The following NUAK1 variants were observed in gnomAD, a reference collection of about 807,000 sequenced individuals.
NUAK1 encodes the protein NUAK family SNF1-like kinase 1.
NUAK1 carries 26 observed loss-of-function variants against 56.9 expected under a neutral mutation model. The observed-to-expected ratio is 0.46, with a 90% CI of 0.33 to 0.63. The LOEUF (loss-of-function observed/expected upper bound fraction) is 0.63. Among genes scored for constraint, NUAK1 ranks in the 30% least tolerant of loss-of-function variants. NUAK1 has a pLI of 0.02. For synonymous variants in NUAK1, 337 were observed against 336.0 expected (o/e 1.00, Z -0.03); for missense variants, 727 against 876.1 (o/e 0.83, Z 2.15).
chr12:106,130,792 G>A (rs1489567478), intron 1 of NUAK1, among the ~76,000 whole-genome samples: 1 of 152,234 alleles, frequency 6.6e-6, no homozygotes, highest in African/African-American at 2.4e-5. Flanking sequence ...GTGCCTTGTA[G>A]AGTAGCAATC....
At chr12:106,112,433 C>CGAGG (rs2032870366) in intron 1 of NUAK1, among the ~76,000 whole-genome samples, 1 of 151,650 alleles carries the variant, frequency 6.6e-6, no homozygotes, top group Admixed American at 6.6e-5. Flanking sequence ...ACAGCCCCAC[C>CGAGG]GAGGCCACAC....
chr12:106,087,954 C>T (rs1311138283), intron 2 of NUAK1, among the ~76,000 whole-genome samples: 1 of 152,218 alleles, frequency 6.6e-6, no homozygotes, highest in Non-Finnish European at 1.5e-5. Flanking sequence ...TTCCCGGCCA[C>T]CAGGTCCAGC....
At chr12:106,092,318 A>G (rs1444138788) in intron 2 of NUAK1, among the ~76,000 whole-genome samples, 1 of 152,140 alleles carries the variant, frequency 6.6e-6, no homozygotes, top group Non-Finnish European at 1.5e-5. Context: ...GGAGACCGAG[A>G]CCAGCCTGGT....
In NUAK1 at chr12:106,138,839, C is replaced by G. The variant is rs958721076; in HGVS notation, c.-186G>C. On this transcript the variant is annotated 5_prime_UTR_variant, in exon 1 of 7. Coordinates refer to ENST00000261402, the MANE Select transcript of NUAK1 (RefSeq NM_014840.3). The surrounding 1 kb of genome is among the most constrained non-coding windows in gnomAD (Gnocchi z 5.0). Reference sequence around the variant, plus strand: ...CGGCGGGGACTGCACATCTGGCGCCCGCGGCGCGCACGGTCCGCGCACCGC... The same window carrying G: ...CGGCGGGGACTGCACATCTGGCGCCGGCGGCGCGCACGGTCCGCGCACCGC... 6.7e-6 allele frequency: 5 copies of G among 746,244 alleles called. No individual in the cohort carries two copies. The highest frequency in any genetic ancestry group is 7.5e-6 in the Non-Finnish European group (4 of 533,240). The allele number at this position is 746,244 out of a possible 1,614,324, so 46.2% of individuals were successfully genotyped here.
intron 2 of NUAK1, among the ~76,000 whole-genome samples, chr12:106,087,301 T>C (rs1043299384): frequency 1.3e-5 from 2 of 152,166 alleles, no homozygotes; most frequent in African/African-American, 2.4e-5. Flanking sequence ...GACCCCAAAA[T>C]GGGTGCTCAA....
intron 2 of NUAK1, among the ~76,000 whole-genome samples, chr12:106,105,471 A>G (rs2032791359): frequency 6.6e-6 from 1 of 152,228 alleles, no homozygotes; most frequent in Non-Finnish European, 1.5e-5. Flanking sequence ...TGGTATGTCC[A>G]TAAACAGAAT....
At position 106,067,807 on chromosome 12, in the gene NUAK1, G is replaced by A; in HGVS notation, c.981C>T (p.Leu327=). ...GGTGCCAGTCAATGATCCGAGCCAGGAGTGGGGACTCAGAGTCATGGAGGG... is the reference window on the plus strand; with the variant it reads ...GGTGCCAGTCAATGATCCGAGCCAGAAGTGGGGACTCAGAGTCATGGAGGG... ...CDALHDSESP[L]LARIIDWHHR... is the part of the protein sequence containing the mutation. Residue 327 remains leucine (L), a synonymous_variant, in exon 7 of 7, where the codon CTC becomes CTT. Transcript: ENST00000261402. The surrounding 1 kb of genome is among the most constrained non-coding windows in gnomAD (Gnocchi z 6.0). 1 of 1,614,210 alleles carries A rather than the reference G, an allele frequency of 6.2e-7. No homozygotes were observed.
At position 106,065,594 on chromosome 12, in the gene NUAK1, C is replaced by G. The variant is rs2032328748; in HGVS notation, c.*1208G>C. On this transcript the variant is annotated 3_prime_UTR_variant, in exon 7 of 7. Transcript: ENST00000261402. ...TCCTTTCCTCATCCCAATATCCCAT[C>G]TACATGCTAACTCCCTAGAAGCAAA... 1 of 152,336 alleles carries G rather than the reference C, an allele frequency of 6.6e-6. No homozygotes were observed. The highest frequency in any genetic ancestry group is 1.9e-4 in the East Asian group (1 of 5,196). The allele number at this position is 152,336 out of a possible 1,614,324, so 9.4% of individuals were successfully genotyped here.
chr12:106,067,538 A>G lies in NUAK1; in HGVS notation c.1250T>C (p.Ile417Thr), dbSNP rs2032356792. Residue 417 changes from isoleucine (I) to threonine (T), a missense_variant, in exon 7 of 7, where the codon ATT becomes ACT. Ile to Thr is a moderately conservative substitution (Grantham distance 89). Transcript: ENST00000261402. The surrounding 1 kb of genome is among the most constrained non-coding windows in gnomAD (Gnocchi z 6.0). ...SEHRSHSTGF[I>T]EGVVGPALPS... Reference sequence around the variant, plus strand: ...TAAGGCAGGACCAACTACACCTTCAATGAAGCCAGTGCTGTGAGAGCGATG... The same window carrying G: ...TAAGGCAGGACCAACTACACCTTCAGTGAAGCCAGTGCTGTGAGAGCGATG... 1 of 1,614,188 alleles carries G rather than the reference A, an allele frequency of 6.2e-7. No individual in the cohort carries two copies. The highest frequency in any genetic ancestry group is 8.5e-7 in the Non-Finnish European group (1 of 1,180,032).
intron 3 of NUAK1, 29 bp downstream of exon 3, chr12:106,086,705 C>T: frequency 6.3e-7 from 1 of 1,585,942 alleles, no homozygotes; most frequent in Non-Finnish European, 8.6e-7. Context: ...CCATCTACGG[C>T]CAAAGCTGCG....
Position 106,072,962 on chromosome 12 carries a change from G to T in NUAK1, c.580-119C>A, listed in dbSNP as rs2032421502. On this transcript the variant is annotated intron_variant, in intron 4 of 6. Coordinates refer to ENST00000261402, the MANE Select transcript of NUAK1 (RefSeq NM_014840.3). ...GAAGGGCACCTGGGTGGGTCTGCTG[G>T]CTGGATCGCCATTTTCTCTCCAGCC... The T allele has an allele frequency of 5.3e-6, 6 of 1,122,506 alleles. No homozygotes were observed. The Admixed American group carries it at 9.6e-5, about 18-fold the overall frequency. The allele number at this position is 1,122,506 out of a possible 1,614,324, so 69.5% of individuals were successfully genotyped here. A position where few individuals can be genotyped will look rare whatever the true frequency, so the allele number is the denominator to read the frequency against.
rs182552416 is a variant in NUAK1 at position 106,085,251 on chromosome 12, A to G, written c.514-1322T>C. Among the ~76,000 whole-genome samples the G allele has an allele frequency of 1.4e-4, 21 of 152,366 alleles. 1 individual carries two copies. The highest frequency in any genetic ancestry group is 1.2e-3 in the East Asian group (6 of 5,186). ...CAAGTGTTCACACACTTCCAATATCAAAAATATCACCTCTGTGGTGATTTA... is the reference window on the plus strand; with the variant it reads ...CAAGTGTTCACACACTTCCAATATCGAAAATATCACCTCTGTGGTGATTTA... On this transcript the variant is annotated intron_variant, in intron 3 of 6. Transcript: ENST00000261402.
intron 6 of NUAK1, among the ~76,000 whole-genome samples, chr12:106,069,823 T>C (rs1233930424): frequency 1.3e-5 from 2 of 152,168 alleles, no homozygotes; most frequent in African/African-American, 4.8e-5. Flanking sequence ...GTATAGTATG[T>C]ATATAAATGA....
intron 4 of NUAK1, among the ~76,000 whole-genome samples, chr12:106,075,414 A>C (rs931105400): frequency 2.0e-5 from 3 of 152,084 alleles, no homozygotes; most frequent in African/African-American, 7.2e-5. Context: ...TCAACTATTG[A>C]TAAGAGGGGA....
chr12:106,088,250 C>T (rs1486109227), intron 2 of NUAK1, among the ~76,000 whole-genome samples: 2 of 152,194 alleles, frequency 1.3e-5, no homozygotes, highest in Admixed American at 1.3e-4. Context: ...CATCATCACT[C>T]TTAAGGGATA....
At chr12:106,085,860 T>A (rs2032565006) in intron 3 of NUAK1, among the ~76,000 whole-genome samples, 1 of 152,006 alleles carries the variant, frequency 6.6e-6, no homozygotes, top group South Asian at 2.1e-4. Flanking sequence ...GTGCGCAACC[T>A]CATGCCTGGC....
rs1331669032 is a variant in NUAK1 at position 106,067,284 on chromosome 12, G to A, written c.1504C>T (p.Pro502Ser). The A allele has an allele frequency of 1.2e-6, 2 of 1,614,082 alleles. No homozygotes were observed. Among genetic ancestry groups the A allele is most frequent in the Non-Finnish European group, 1.7e-6 (2 of 1,179,984 alleles). Residue 502 changes from proline (P) to serine (S), a missense_variant, in exon 7 of 7, where the codon CCC (proline) becomes TCC (serine). Pro to Ser is a moderately conservative substitution (Grantham distance 74). Transcript: ENST00000261402. This position sits in a 1 kb window ranked among gnomAD's most constrained non-coding sequence, Gnocchi z 6.0. ...GCTGGGTCCGGGGGGCTGGGGGAGG[G>A]GATGCTGCTGCCCATCACATCATTA... ...DSNDVMGSSI[P>S]SPSPPDPARV...
chr12:106,117,772 T>C (rs1489775744), intron 1 of NUAK1, among the ~76,000 whole-genome samples: 1 of 152,190 alleles, frequency 6.6e-6, no homozygotes, highest in Non-Finnish European at 1.5e-5. Flanking sequence ...TACCTGCCAC[T>C]GTCCATGCTA....
rs2032339210 is a variant in NUAK1 at position 106,066,417 on chromosome 12, A to G, written c.*385T>C. On this transcript the variant is annotated 3_prime_UTR_variant, in exon 7 of 7. Transcript: ENST00000261402. ...GGGGCAAGTTCTTTGGGCTCACCCA[A>G]GGCAAACAGCCCAAGTGTCTCCTGC... 1 of 195,490 alleles carries G rather than the reference A, an allele frequency of 5.1e-6. No homozygotes were observed. The highest frequency in any genetic ancestry group is 1.1e-5 in the Non-Finnish European group (1 of 94,002). 12.1% of individuals were successfully genotyped at this position (195,490 alleles called of 1,614,324 possible).
Sources: gnomAD v4.1 joint callset for allele counts (sites outside exome capture counted in the v4.1 genomes callset) on GRCh38, gnomAD v4.1.1 for gene constraint, Gnocchi (gnomAD v3.1) non-coding constraint, MANE v1.5 for transcripts, NCBI Gene and HGNC (gene_info 2026-07-23, HGNC 2026-07-21) for gene names.